Variants in GRIA1 observed in about 807,000 individuals in gnomAD.
GRIA1 encodes glutamate ionotropic receptor AMPA type subunit 1.
In GRIA1, 31 loss-of-function variants were observed where a neutral mutation model predicts 99.2. The observed-to-expected ratio is 0.31, with a 90% CI of 0.23 to 0.42. GRIA1 has a LOEUF of 0.42. Ranked by LOEUF, GRIA1 falls within the 10% of genes least tolerant of loss-of-function variation. The probability of loss-of-function intolerance (pLI) is 1.00; values close to 1 mark genes in which losing one functional copy is unlikely to be tolerated. For missense variants in GRIA1, 782 were observed against 1,157.5 expected (o/e 0.68, Z 4.71); for synonymous variants, 438 against 432.4 (o/e 1.01, Z -0.16).
intron 8 of GRIA1, among the ~76,000 whole-genome samples, chr5:153,695,463 C>T (rs758551857): frequency 2.0e-5 from 3 of 152,230 alleles, no homozygotes; most frequent in Non-Finnish European, 4.4e-5. Flanking sequence ...CTCCTCTTCA[C>T]TGCCCCTCAC....
At chr5:153,746,182 T>C (rs1388658002) in intron 11 of GRIA1, among the ~76,000 whole-genome samples, 1 of 123,090 alleles carries the variant, frequency 8.1e-6, no homozygotes, top group African/African-American at 3.1e-5. Flanking sequence ...GAGTGTCCCT[T>C]TGAAGAATTG....
intron 8 of GRIA1, among the ~76,000 whole-genome samples, chr5:153,695,541 A>T (rs747212778): frequency 1.3e-5 from 2 of 152,204 alleles, no homozygotes; most frequent in Non-Finnish European, 2.9e-5. Context: ...TCCTTGCAAA[A>T]GCAAGGGAAC....
chr5:153,680,913 G>C (rs944704066), intron 7 of GRIA1, among the ~76,000 whole-genome samples: 3 of 152,200 alleles, frequency 2.0e-5, no homozygotes, highest in African/African-American at 7.2e-5. Context: ...GAACACTTAG[G>C]AGTGAAAGGA....
At chr5:153,588,595 G>T (rs1456833838) in intron 2 of GRIA1, among the ~76,000 whole-genome samples, 1 of 152,108 alleles carries the variant, frequency 6.6e-6, no homozygotes, top group Non-Finnish European at 1.5e-5. Flanking sequence ...TTGTGACCTA[G>T]GACAGATTGC....
chr5:153,561,531 G>A (rs867674), intron 2 of GRIA1, among the ~76,000 whole-genome samples: 24,836 of 152,110 alleles, frequency 0.16, 2,082 homozygotes, highest in South Asian at 0.25. Context: ...GTCAAACCCC[G>A]TCCATGTAAC....
At chr5:153,512,115 A>C (rs185658025) in intron 2 of GRIA1, among the ~76,000 whole-genome samples, 1 of 152,314 alleles carries the variant, frequency 6.6e-6, no homozygotes, top group Non-Finnish European at 1.5e-5. Context: ...GCTGAGGAGG[A>C]GATGCTGAGA....
In GRIA1 at chr5:153,650,896, T is replaced by TAAAAAAAAAAAAA. The variant is rs71575151; in HGVS notation, c.645+395_645+407dup. Among the ~76,000 whole-genome samples, 24 of 70,146 alleles carry TAAAAAAAAAAAAA rather than the reference T, an allele frequency of 3.4e-4. 2 individuals carry two copies. Among genetic ancestry groups the TAAAAAAAAAAAAA allele is most frequent in the Non-Finnish European group, 5.7e-4 (20 of 34,868 alleles). The allele number at this position is 70,146 out of a possible 152,430, so 46.0% of individuals were successfully genotyped here. ...CAACATGGTGAAACCCTGTCTCCAC[T>TAAAAAAAAAAAAA]AAAAAAAAAAAAAAAAAAAAAAAAA... On this transcript the variant is annotated intron_variant, in intron 4 of 15. Coordinates refer to ENST00000285900, the MANE Select transcript of GRIA1 (RefSeq NM_000827.4).
intron 11 of GRIA1, among the ~76,000 whole-genome samples, chr5:153,723,243 T>A (rs1401290445): frequency 6.6e-6 from 1 of 152,022 alleles, no homozygotes; most frequent in Non-Finnish European, 1.5e-5. Context: ...TCGTTAGAGA[T>A]GAAAAAGTAG....
rs1766931997 is a variant in GRIA1 at position 153,620,464 on chromosome 5, C to T, written c.221-26464C>T. Among the ~76,000 whole-genome samples, 7 of 152,262 alleles carry T rather than the reference C, an allele frequency of 4.6e-5. No homozygotes were observed. The South Asian group carries it at 1.2e-3, about 27-fold the overall frequency. The stretch of plus-strand genomic sequence containing the variant: ...GAACCTGAGGTGGAGCCTATAGCCT[C>T]TGGTCAGTTGGAAGCGGTGGGGAAA... On this transcript the variant is annotated intron_variant, in intron 2 of 15. Coordinates refer to ENST00000285900, the MANE Select transcript of GRIA1 (RefSeq NM_000827.4).
At chr5:153,541,950 A>AAC (rs1293951721) in intron 2 of GRIA1, among the ~76,000 whole-genome samples, 6 of 142,554 alleles carry the variant, frequency 4.2e-5, no homozygotes, top group Admixed American at 6.8e-5. Flanking sequence ...AAAAAAAAAA[A>AAC]AACAAGAAAA....
intron 8 of GRIA1, among the ~76,000 whole-genome samples, chr5:153,690,979 T>C: frequency 6.6e-6 from 1 of 152,194 alleles, no homozygotes; most frequent in Admixed American, 6.5e-5. Context: ...TGATTGTGTA[T>C]AGTAAAAAGG....
intron 12 of GRIA1, among the ~76,000 whole-genome samples, chr5:153,769,555 A>G (rs1763739902): frequency 1.3e-5 from 2 of 152,054 alleles, no homozygotes; most frequent in Non-Finnish European, 2.9e-5. Context: ...CAGGTGGGCC[A>G]TATTTGGAAG....
intron 2 of GRIA1, among the ~76,000 whole-genome samples, chr5:153,526,370 A>G (rs1237160317): frequency 6.6e-6 from 1 of 152,214 alleles, no homozygotes; most frequent in Non-Finnish European, 1.5e-5. Flanking sequence ...AGCAAAATGT[A>G]TATTTTAAAG....
chr5:153,714,419 AT>A (rs1296204134), intron 11 of GRIA1, among the ~76,000 whole-genome samples: 2 of 152,058 alleles, frequency 1.3e-5, no homozygotes, highest in African/African-American at 4.8e-5. Context: ...TGATTGCTGT[AT>A]TTTTCTTTCC....
At chr5:153,623,123 C>A (rs1457522657) in intron 2 of GRIA1, among the ~76,000 whole-genome samples, 2 of 152,046 alleles carry the variant, frequency 1.3e-5, no homozygotes, top group Non-Finnish European at 2.9e-5. Context: ...AAGGCAAGGG[C>A]AGAAAATGGG....
chr5:153,744,047 G>T (rs1291443590), intron 11 of GRIA1, among the ~76,000 whole-genome samples: 1 of 152,074 alleles, frequency 6.6e-6, no homozygotes, highest in Non-Finnish European at 1.5e-5. Flanking sequence ...ATTTCCTGAG[G>T]GTGAGGATGA....
chr5:153,792,993 A>T (rs1237597736), intron 13 of GRIA1, among the ~76,000 whole-genome samples: 1 of 152,154 alleles, frequency 6.6e-6, no homozygotes, highest in Non-Finnish European at 1.5e-5. Flanking sequence ...CCTTGCCTTC[A>T]GGGATCCATA....
intron 2 of GRIA1, among the ~76,000 whole-genome samples, chr5:153,613,550 C>T (rs1433037710): frequency 6.6e-6 from 1 of 152,034 alleles, no homozygotes; most frequent in African/African-American, 2.4e-5. Context: ...CGCTTCTTTC[C>T]TTCTTTCTTA....
intron 2 of GRIA1, among the ~76,000 whole-genome samples, chr5:153,549,486 G>A (rs899286627): frequency 4.2e-4 from 64 of 152,164 alleles, no homozygotes; most frequent in African/African-American, 1.5e-3. Context: ...AAATCAGATT[G>A]GAGTCTGGAA....
Sources: allele counts gnomAD v4.1 joint callset (sites outside exome capture counted in the v4.1 genomes callset), GRCh38; gene constraint gnomAD v4.1.1; transcripts MANE v1.5; gene names NCBI Gene and HGNC (gene_info 2026-07-23, HGNC 2026-07-21).